The following B3GALT1 variants were observed in gnomAD, a reference collection of about 807,000 sequenced individuals.
The protein encoded by B3GALT1 is UDP-Gal:betaGlcNAc beta 1,3-galactosyltransferase, polypeptide 1.
B3GALT1 carries 10 observed loss-of-function variants against 23.2 expected under a neutral mutation model. The observed-to-expected ratio is 0.43, with a 90% CI of 0.27 to 0.73. B3GALT1 has a LOEUF of 0.73. Among genes scored for constraint, B3GALT1 ranks in the 30% least tolerant of loss-of-function variants. The pLI, the probability that B3GALT1 is intolerant of heterozygous loss-of-function variation, is 0.21. For synonymous variants in B3GALT1, 156 were observed against 141.5 expected (o/e 1.10, Z -0.73); for missense variants, 299 against 405.4 (o/e 0.74, Z 2.25).
At chr2:167,591,248 A>G (rs1684673340) in intron 2 of B3GALT1, among the ~76,000 whole-genome samples, 2 of 152,112 alleles carry the variant, frequency 1.3e-5, no homozygotes, top group Admixed American at 6.6e-5. Flanking sequence ...GAGTAAATAA[A>G]GACTTCCCAT....
intron 4 of B3GALT1, among the ~76,000 whole-genome samples, chr2:167,859,866 T>C (rs2105429373): frequency 6.6e-6 from 1 of 152,268 alleles, no homozygotes; most frequent in South Asian, 2.1e-4. Context: ...CATCTATGGG[T>C]AGATTTCCTT....
chr2:167,532,423 T>C (rs1008199440), intron 2 of B3GALT1, among the ~76,000 whole-genome samples: 1 of 152,232 alleles, frequency 6.6e-6, no homozygotes, highest in Non-Finnish European at 1.5e-5. Flanking sequence ...TAGGCAATAC[T>C]GTTATACATA....
intron 2 of B3GALT1, among the ~76,000 whole-genome samples, chr2:167,498,968 A>T (rs188269798): frequency 6.6e-6 from 1 of 152,162 alleles, no homozygotes; most frequent in Non-Finnish European, 1.5e-5. Flanking sequence ...AAATAATTAC[A>T]AAAACAGCCT....
chr2:167,400,188 G>GTGTGTGTGTGTT (rs1450130387), intron 1 of B3GALT1, among the ~76,000 whole-genome samples: 1 of 151,542 alleles, frequency 6.6e-6, no homozygotes, highest in African/African-American at 2.4e-5. Context: ...GTGTGTGTGT[G>GTGTGTGTGTGTT]TGTGTCTGTG....
At chr2:167,500,622 C>G (rs1023500687) in intron 2 of B3GALT1, among the ~76,000 whole-genome samples, 5 of 131,224 alleles carry the variant, frequency 3.8e-5, no homozygotes, top group Non-Finnish European at 7.8e-5. Context: ...TCAGATAGAA[C>G]TTGACTTATA....
intron 2 of B3GALT1, among the ~76,000 whole-genome samples, chr2:167,514,155 C>T (rs758877218): frequency 1.3e-5 from 2 of 152,178 alleles, no homozygotes; most frequent in Admixed American, 1.3e-4. Flanking sequence ...GATCTGCCCA[C>T]CTCAGCCTCC....
At chr2:167,777,373 G>A (rs1442841553) in intron 3 of B3GALT1, among the ~76,000 whole-genome samples, 1 of 152,140 alleles carries the variant, frequency 6.6e-6, no homozygotes, top group African/African-American at 2.4e-5. Context: ...TTGAGACAGA[G>A]TCTTGCTCTG....
chr2:167,443,294 G>C (rs911700788), intron 1 of B3GALT1, among the ~76,000 whole-genome samples: 20 of 152,206 alleles, frequency 1.3e-4, no homozygotes, highest in African/African-American at 4.6e-4. Context: ...AGTATAGTTT[G>C]AAGTCAGGTA....
At chr2:167,400,808 G>A (rs1698176387) in intron 1 of B3GALT1, among the ~76,000 whole-genome samples, 1 of 152,100 alleles carries the variant, frequency 6.6e-6, no homozygotes, top group South Asian at 2.1e-4. Flanking sequence ...TAGCTTACTA[G>A]AAAATCTGGC....
In B3GALT1 at chr2:167,869,740, C is replaced by T. The variant is rs1690305489; in HGVS notation, c.701C>T (p.Pro234Leu). 6.2e-7 allele frequency: 1 copy of T among 1,614,166 alleles called. No homozygotes were observed. Among genetic ancestry groups the T allele is most frequent in the Non-Finnish European group, 8.5e-7 (1 of 1,180,014 alleles). Residue 234 changes from proline to leucine, a missense_variant, in exon 5 of 5, where the codon CCT becomes CTT. Transcript: ENST00000392690. This position sits in a 1 kb window ranked among gnomAD's most constrained non-coding sequence, Gnocchi z 6.4. ...TTGTACCCAGACAGTAACTACCCACCTTTCTGTTCGGGGACTGGCTACATC... is the reference window on the plus strand; with the variant it reads ...TTGTACCCAGACAGTAACTACCCACTTTTCTGTTCGGGGACTGGCTACATC... ...RDLYPDSNYPPFCSGTGYIFS... is the reference protein window; with the variant it reads ...RDLYPDSNYPLFCSGTGYIFS...
At chr2:167,500,770 A>G (rs750471298) in intron 2 of B3GALT1, among the ~76,000 whole-genome samples, 2 of 152,178 alleles carry the variant, frequency 1.3e-5, no homozygotes, top group Non-Finnish European at 2.9e-5. Context: ...TGAGACTTTC[A>G]ATTCATGTGC....
chr2:167,296,975 C>T (rs186962147), intron 1 of B3GALT1, among the ~76,000 whole-genome samples: 1 of 152,094 alleles, frequency 6.6e-6, no homozygotes, highest in East Asian at 1.9e-4. Context: ...TCATATATAC[C>T]TACACAAATT....
At chr2:167,700,177 G>A (rs1025921937) in intron 3 of B3GALT1, among the ~76,000 whole-genome samples, 2 of 152,202 alleles carry the variant, frequency 1.3e-5, no homozygotes, top group African/African-American at 4.8e-5. Flanking sequence ...TTGAGCCTAA[G>A]AGGCTGCAGT....
At chr2:167,373,078 C>A (rs1165370972) in intron 1 of B3GALT1, among the ~76,000 whole-genome samples, 1 of 151,752 alleles carries the variant, frequency 6.6e-6, no homozygotes, top group Non-Finnish European at 1.5e-5. Context: ...ACCTATATAG[C>A]CAATTGATTT....
At chr2:167,588,210 T>C (rs1298662594) in intron 2 of B3GALT1, among the ~76,000 whole-genome samples, 8 of 151,970 alleles carry the variant, frequency 5.3e-5, no homozygotes, top group Non-Finnish European at 1.2e-4. Context: ...TCGAAACATA[T>C]GGAAATGCAA....
chr2:167,439,347 T>A (rs1698840767), intron 1 of B3GALT1, among the ~76,000 whole-genome samples: 1 of 152,174 alleles, frequency 6.6e-6, no homozygotes, highest in South Asian at 2.1e-4. Context: ...ACATCAATAT[T>A]GTCAACTGTT....
At chr2:167,785,312 G>A (rs1688322029) in intron 3 of B3GALT1, among the ~76,000 whole-genome samples, 1 of 152,178 alleles carries the variant, frequency 6.6e-6, no homozygotes, top group Non-Finnish European at 1.5e-5. Context: ...GGAGGGAACA[G>A]CCAGACCCAA....
chr2:167,438,802 CCCA>C (rs879300729), intron 1 of B3GALT1, among the ~76,000 whole-genome samples: 2 of 152,278 alleles, frequency 1.3e-5, no homozygotes, highest in East Asian at 1.9e-4. Context: ...CTTACTTTTC[CCCA>C]CCACATTTCA....
At chr2:167,350,735 T>C (rs555625518) in intron 1 of B3GALT1, among the ~76,000 whole-genome samples, 1 of 152,220 alleles carries the variant, frequency 6.6e-6, no homozygotes. Flanking sequence ...TGCAGCCACA[T>C]GTTCCGCATG....
Sources: allele counts gnomAD v4.1 joint callset (sites outside exome capture counted in the v4.1 genomes callset), GRCh38; gene constraint gnomAD v4.1.1; non-coding constraint Gnocchi (gnomAD v3.1); transcripts MANE v1.5; gene names NCBI Gene and HGNC (gene_info 2026-07-23, HGNC 2026-07-21).